ZFP3: variants seen among roughly 807,000 people sequenced by gnomAD.
The protein encoded by ZFP3 is ZFP3 zinc finger protein.
In ZFP3, 18 loss-of-function variants were observed where a neutral mutation model predicts 36.7. The observed-to-expected ratio is 0.49, with a 90% confidence interval of 0.34 to 0.73. The LOEUF (loss-of-function observed/expected upper bound fraction) is 0.73, where lower values mean the gene tolerates loss of function less well. Among genes scored for constraint, ZFP3 ranks in the 30% least tolerant of loss-of-function variants. The pLI is 0.01. For missense variants in ZFP3, 495 were observed against 599.0 expected (o/e 0.83, Z 1.81); for synonymous variants, 218 against 199.0 (o/e 1.10, Z -0.81).
At chr17:5,083,739 C>T (rs975161405) in intron 1 of ZFP3, among the ~76,000 whole-genome samples, 3 of 152,142 alleles carry the variant, frequency 2.0e-5, no homozygotes, top group African/African-American at 7.2e-5. Flanking sequence ...TAGCCTAGTT[C>T]CAGGCCAGGA....
At position 5,092,955 on chromosome 17, in the gene ZFP3, A is replaced by C. The variant is rs1412763535; in HGVS notation, c.1451A>C (p.Lys484Thr). The C allele has an allele frequency of 6.2e-7, 1 of 1,613,340 alleles. No homozygotes were observed. The highest frequency in any genetic ancestry group is 8.5e-7 in the Non-Finnish European group (1 of 1,179,738). The change falls in exon 2 of 2, where the codon AAG becomes ACG. Residue 484 changes from lysine (K) to threonine (T), a missense_variant. By Grantham distance (78) the Lys-to-Thr change is moderately conservative (BLOSUM62 -1). Around this residue, in one of 3 missense-constraint regions of ZFP3, gnomAD observed 163 missense variants for 178.4 expected, o/e 0.91. Coordinates refer to ENST00000318833, the MANE Select transcript of ZFP3 (RefSeq NM_153018.3). This position sits in a 1 kb window ranked among gnomAD's most constrained non-coding sequence, Gnocchi z 5.0. ...CCTTATGAGTGCCAAGAATGTCAGA[A>C]GACTTTTAGTCGGAGCTCTCACCTC... ...EKPYECQECQKTFSRSSHLLR... is the reference protein window; with the variant it reads ...EKPYECQECQTTFSRSSHLLR...
At position 5,092,097 on chromosome 17, in the gene ZFP3, C is replaced by T. The variant is rs2143533470; in HGVS notation, c.593C>T (p.Ala198Val). The T allele has an allele frequency of 6.2e-7, 1 of 1,614,162 alleles. No homozygotes were observed. Among genetic ancestry groups the T allele is most frequent in the South Asian group, 1.1e-5 (1 of 91,082 alleles). Residue 198 changes from alanine (A) to valine (V), a missense_variant, in exon 2 of 2, where the codon GCT (alanine) becomes GTT (valine). Physicochemically the swap from Ala to Val is moderately conservative, Grantham distance 64. Around this residue, in one of 3 missense-constraint regions of ZFP3, gnomAD observed 229 missense variants for 233.8 expected, o/e 0.98. Coordinates refer to ENST00000318833, the MANE Select transcript of ZFP3 (RefSeq NM_153018.3). The surrounding 1 kb of genome is among the most constrained non-coding windows in gnomAD (Gnocchi z 5.0). ...LRIHAGEKPF[A>V]CNECGKAFIQ... ...ATTCATGCTGGAGAAAAACCCTTTG[C>T]TTGTAATGAATGTGGAAAGGCCTTC...
At chr17:5,087,722 G>A (rs776719878) in intron 1 of ZFP3, among the ~76,000 whole-genome samples, 10 of 152,154 alleles carry the variant, frequency 6.6e-5, no homozygotes, top group Non-Finnish European at 1.3e-4. Context: ...GGATAGAGTT[G>A]AGAGGAGTAG....
chr17:5,081,221 G>A (rs2072091704), intron 1 of ZFP3, among the ~76,000 whole-genome samples: 1 of 151,758 alleles, frequency 6.6e-6, no homozygotes, highest in Admixed American at 6.6e-5. Context: ...AGCCTCCCGA[G>A]TAGCTGGGAC....
intron 1 of ZFP3, among the ~76,000 whole-genome samples, chr17:5,081,064 G>C (rs1760806367): frequency 6.6e-6 from 1 of 150,958 alleles, no homozygotes; most frequent in African/African-American, 2.4e-5. Flanking sequence ...ATGCTACATT[G>C]AAATCCCAAT....
At chr17:5,084,209 A>G (rs1378217121) in intron 1 of ZFP3, among the ~76,000 whole-genome samples, 1 of 105,540 alleles carries the variant, frequency 9.5e-6, no homozygotes, top group African/African-American at 3.7e-5. Context: ...TATAAATTTT[A>G]TTTCTTGTTG....
intron 1 of ZFP3, among the ~76,000 whole-genome samples, chr17:5,088,283 C>G (rs1035685829): frequency 3.3e-5 from 5 of 152,100 alleles, no homozygotes; most frequent in African/African-American, 1.2e-4. Context: ...TGGGCACCAT[C>G]TTTGAGTCCT....
At chr17:5,088,577 G>A (rs903357985) in intron 1 of ZFP3, among the ~76,000 whole-genome samples, 31 of 151,054 alleles carry the variant, frequency 2.1e-4, no homozygotes, top group Non-Finnish European at 3.5e-4. Flanking sequence ...GCCTCCCAAA[G>A]TGCTGGGACT....
rs1438405904 is a variant in ZFP3, at chr17:5,092,820, A to G, written c.1316A>G (p.His439Arg). 3 of 1,614,176 alleles carry G rather than the reference A, an allele frequency of 1.9e-6. No individual in the cohort carries two copies. The highest frequency in any genetic ancestry group is 2.5e-6 in the Non-Finnish European group (3 of 1,180,018). ...TFWDNSELLL[H>R]QKIHIGEKPY... Reference sequence around the variant, plus strand: ...TGGGATAATTCTGAGCTGCTTCTCCACCAGAAAATTCATATTGGAGAGAAA... The same window carrying G: ...TGGGATAATTCTGAGCTGCTTCTCCGCCAGAAAATTCATATTGGAGAGAAA... Residue 439 changes from histidine to arginine, a missense_variant, in exon 2 of 2, where the codon CAC (histidine) becomes CGC (arginine). Physicochemically the swap from His to Arg is conservative, Grantham distance 29 (BLOSUM62 0). Around this residue, in one of 3 missense-constraint regions of ZFP3, gnomAD observed 163 missense variants for 178.4 expected, o/e 0.91. Coordinates refer to ENST00000318833, the MANE Select transcript of ZFP3 (RefSeq NM_153018.3). This position sits in a 1 kb window ranked among gnomAD's most constrained non-coding sequence, Gnocchi z 5.0.
intron 1 of ZFP3, among the ~76,000 whole-genome samples, chr17:5,081,093 C>CTTTTTTTT (rs71367880): frequency 1.4e-5 from 2 of 141,602 alleles, no homozygotes; most frequent in Non-Finnish European, 1.5e-5. Flanking sequence ...TGTTTCTGTT[C>CTTTTTTTT]TTTTTTTTTT....
chr17:5,084,571 G>A (rs1200359054), intron 1 of ZFP3, among the ~76,000 whole-genome samples: 5 of 152,000 alleles, frequency 3.3e-5, no homozygotes, highest in East Asian at 3.9e-4. Context: ...CACCGCGCCC[G>A]GCCTGAATGA....
At chr17:5,084,672 A>G (rs562843584) in intron 1 of ZFP3, among the ~76,000 whole-genome samples, 8 of 152,326 alleles carry the variant, frequency 5.3e-5, no homozygotes, top group East Asian at 1.9e-4. Flanking sequence ...TGGAAACCCA[A>G]TAGAGGTCTG....
rs2072156939 is a variant in ZFP3, at chr17:5,092,699, G to C, written c.1195G>C (p.Gly399Arg). ...GAAACCCTATGAATGCTTTGAGTGTGGAAAGGCTTTCAGGCGGACCTCTCA... is the reference window on the plus strand; with the variant it reads ...GAAACCCTATGAATGCTTTGAGTGTCGAAAGGCTTTCAGGCGGACCTCTCA... Reference protein sequence around the residue: ...GEKPYECFECGKAFRRTSHLI... With the variant: ...GEKPYECFECRKAFRRTSHLI... The change falls in exon 2 of 2, where the codon GGA becomes CGA. Residue 399 changes from glycine (G) to arginine (R), a missense_variant. By Grantham distance (125) the Gly-to-Arg change is moderately radical (BLOSUM62 -2). This residue lies in a region of ZFP3 where 163 missense variants were observed against 178.4 expected (regional missense o/e 0.91). Coordinates refer to ENST00000318833, the MANE Select transcript of ZFP3 (RefSeq NM_153018.3). The surrounding 1 kb of genome is among the most constrained non-coding windows in gnomAD (Gnocchi z 5.0). The C allele has an allele frequency of 6.2e-7, 1 of 1,613,786 alleles. No individual in the cohort carries two copies. Among genetic ancestry groups the C allele is most frequent in the Non-Finnish European group, 8.5e-7 (1 of 1,179,982 alleles).
intron 1 of ZFP3, among the ~76,000 whole-genome samples, chr17:5,088,476 C>CTTTT (rs71149522): frequency 2.3e-5 from 3 of 131,312 alleles, no homozygotes; most frequent in Admixed American, 7.6e-5. Flanking sequence ...CTACTGCTTT[C>CTTTT]TTTTTTTTTT....
intron 1 of ZFP3, among the ~76,000 whole-genome samples, chr17:5,082,697 T>G (rs2143520292): frequency 1.3e-5 from 2 of 152,204 alleles, no homozygotes; most frequent in Middle Eastern, 6.8e-3. Flanking sequence ...GCTGGCTAAT[T>G]TTTTTGTAAT....
rs776605750 is a variant in ZFP3 at position 5,092,598 on chromosome 17, A to G, written c.1094A>G (p.Tyr365Cys). ...AGAATTCATACTGGTGAGAAGCCCT[A>G]TGTATGTAAGGAATGTGGGAAGGCC... ...HIRIHTGEKP[Y>C]VCKECGKAFR... The change falls in exon 2 of 2, where the codon TAT becomes TGT. Residue 365 changes from tyrosine to cysteine, a missense_variant. Transcript: ENST00000318833. This position sits in a 1 kb window ranked among gnomAD's most constrained non-coding sequence, Gnocchi z 5.0. 7 of 1,614,154 alleles carry G rather than the reference A, an allele frequency of 4.3e-6. No homozygotes were observed. The South Asian group carries it at 7.7e-5, about 18-fold the overall frequency.
chr17:5,081,075 G>GT (rs1384209005), intron 1 of ZFP3, among the ~76,000 whole-genome samples: 3 of 149,396 alleles, frequency 2.0e-5, no homozygotes, highest in African/African-American at 7.4e-5. Flanking sequence ...AAATCCCAAT[G>GT]TTTTTTCTGT....
rs904442089 is a variant in ZFP3, at chr17:5,096,198, T to A, written c.*3185T>A. 4.8e-5 allele frequency: 8 copies of A among 167,066 alleles called. No individual in the cohort carries two copies. In the Admixed American group the frequency reaches 5.2e-4, roughly 11 times the overall value. The allele number at this position is 167,066 out of a possible 1,614,324, so 10.3% of individuals were successfully genotyped here. ...AAGGAAAGGACATGAATTGTCTTAA[T>A]TTTAGACCCATTAAAAAACCGCACA... On this transcript the variant is annotated 3_prime_UTR_variant, in exon 2 of 2. Transcript: ENST00000318833.
At position 5,078,791 on chromosome 17, in the gene ZFP3, C is replaced by T. The variant is rs111841254; in HGVS notation, c.-9+216C>T. ...GGCCTGGACACCGCCAGGGACAGTC[C>T]CAGCTCTGGTTTGGTGCCTGTCAGC... On this transcript the variant is annotated intron_variant, in intron 1 of 1. Coordinates refer to ENST00000318833, the MANE Select transcript of ZFP3 (RefSeq NM_153018.3). This position sits in a 1 kb window ranked among gnomAD's most constrained non-coding sequence, Gnocchi z 4.5. 1.9e-3 allele frequency among the ~76,000 whole-genome samples: 296 copies of T among 152,334 alleles called. No homozygotes were observed. The highest frequency in any genetic ancestry group is 6.7e-3 in the African/African-American group (277 of 41,578).
Sources: allele counts gnomAD v4.1 joint callset (sites outside exome capture counted in the v4.1 genomes callset), GRCh38; gene constraint gnomAD v4.1.1; regional missense constraint gnomAD v4.1.1; non-coding constraint Gnocchi (gnomAD v3.1); transcripts MANE v1.5; gene names NCBI Gene and HGNC (gene_info 2026-07-23, HGNC 2026-07-21).